Variants in ZNRF2 observed in about 807,000 individuals in gnomAD.
ZNRF2 encodes E3 ubiquitin-protein ligase ZNRF2.
ZNRF2 carries 16 observed loss-of-function variants against 20.4 expected under a neutral mutation model. The ratio of observed to expected loss-of-function variants is 0.79; its 90% CI spans 0.53 to 1.19. ZNRF2 has a LOEUF of 1.19. Among genes scored for constraint, ZNRF2 ranks in the 50% most tolerant of loss-of-function variants. The pLI, the probability that ZNRF2 is intolerant of heterozygous loss-of-function variation, is 0.00. For synonymous variants in ZNRF2, 178 were observed against 144.9 expected (o/e 1.23, Z -1.64); for missense variants, 363 against 332.4 (o/e 1.09, Z -0.72).
At chr7:30,361,383 A>G (rs1443028402) in intron 3 of ZNRF2, among the ~76,000 whole-genome samples, 4 of 152,182 alleles carry the variant, frequency 2.6e-5, no homozygotes, top group African/African-American at 9.7e-5. Context: ...ACTTTTACCT[A>G]CCAAACCAAC....
chr7:30,300,026 T>TGCCC (rs946209181), intron 1 of ZNRF2, among the ~76,000 whole-genome samples: 18 of 151,768 alleles, frequency 1.2e-4, no homozygotes, highest in African/African-American at 3.9e-4. Flanking sequence ...CCTCGTGATG[T>TGCCC]GCCCGCCTTG....
At position 30,323,723 on chromosome 7, in the gene ZNRF2, G is replaced by C; in HGVS notation, c.551G>C (p.Arg184Pro). 6.3e-7 allele frequency: 1 copy of C among 1,588,772 alleles called. No individual in the cohort carries two copies. Among genetic ancestry groups the C allele is most frequent in the South Asian group, 1.2e-5 (1 of 86,660 alleles). ...LHLVMCLTKP[R>P]ITYNEDVLSK... ...CTTGTAATGTGTTTAACAAAGCCAC[G>C]AATAACCTATAATGGTAAGTCCAAT... Residue 184 changes from arginine to proline, a missense_variant, in exon 2 of 5, where the codon CGA (arginine) becomes CCA (proline). This residue lies in a region of ZNRF2 where 61 missense variants were observed against 100.9 expected (regional missense o/e 0.60). Transcript: ENST00000323037.
chr7:30,311,337 A>G (rs1272440054), intron 1 of ZNRF2, among the ~76,000 whole-genome samples: 1 of 152,230 alleles, frequency 6.6e-6, no homozygotes, highest in East Asian at 1.9e-4. Context: ...TCATTCCTAA[A>G]GAGTCATAAA....
intron 1 of ZNRF2, among the ~76,000 whole-genome samples, chr7:30,307,316 G>GTTTTTTTTTTTTTTTTTTTTTTTTTTTTT (rs372358892): frequency 1.5e-5 from 1 of 68,084 alleles, no homozygotes; most frequent in Non-Finnish European, 3.2e-5. Flanking sequence ...TCTTTCTGCT[G>GTTTTTTTTTTTTTTTTTTTTTTTTTTTTT]TTTTTTTTTG....
At chr7:30,287,672 T>C (rs1183064309) in intron 1 of ZNRF2, among the ~76,000 whole-genome samples, 1 of 151,886 alleles carries the variant, frequency 6.6e-6, no homozygotes, top group Non-Finnish European at 1.5e-5. Flanking sequence ...TATAGTTCTT[T>C]TAGTGCTGTT....
At chr7:30,344,709 A>G (rs1799849854) in intron 2 of ZNRF2, among the ~76,000 whole-genome samples, 1 of 152,152 alleles carries the variant, frequency 6.6e-6, no homozygotes, top group South Asian at 2.1e-4. Context: ...TAGTTTTTTC[A>G]GATGTCTCTT....
intron 1 of ZNRF2, among the ~76,000 whole-genome samples, chr7:30,306,712 T>A (rs1799212194): frequency 1.3e-5 from 2 of 152,178 alleles, no homozygotes; most frequent in South Asian, 4.1e-4. Flanking sequence ...TTTAGTAGTT[T>A]AAGTTGCACA....
At chr7:30,286,793 C>A (rs538574154) in intron 1 of ZNRF2, among the ~76,000 whole-genome samples, 1 of 152,288 alleles carries the variant, frequency 6.6e-6, no homozygotes, top group African/African-American at 2.4e-5. Flanking sequence ...CCCATTTCAT[C>A]GCATTATGTA....
intron 1 of ZNRF2, among the ~76,000 whole-genome samples, chr7:30,312,228 T>G (rs1460431231): frequency 6.6e-6 from 1 of 152,126 alleles, no homozygotes; most frequent in African/African-American, 2.4e-5. Flanking sequence ...CAGTCCTCCC[T>G]CCTTGGTCTC....
At position 30,285,390 on chromosome 7, in the gene ZNRF2, TA is replaced by T; in HGVS notation, c.35del (p.Asn12ThrfsTer131). 1 of 1,248,690 alleles carries T rather than the reference TA, an allele frequency of 8.0e-7. No individual in the cohort carries two copies. Among genetic ancestry groups the T allele is most frequent in the Non-Finnish European group, 1.0e-6 (1 of 979,686 alleles). The allele number at this position is 1,248,690 out of a possible 1,614,324, so 77.4% of individuals were successfully genotyped here. The stretch of plus-strand genomic sequence containing the variant: ...CCAAACAGAGCGGCCCGGCCGCCGC[TA>T]ACGGCCGCACGCGCGCGTACTCGGG... ...GAKQSGPAAANGRTRAYSGSD... is the reference protein window; with the variant it reads ...GAKQSGPAAAXGRTRAYSGSD... On this transcript the variant is annotated frameshift_variant, in exon 1 of 5. Transcript: ENST00000323037. LOFTEE classifies it high-confidence loss of function.
chr7:30,363,650 GA>G (rs577764510), intron 4 of ZNRF2, among the ~76,000 whole-genome samples: 3 of 149,434 alleles, frequency 2.0e-5, no homozygotes, highest in African/African-American at 4.9e-5. Context: ...TTTTACGACT[GA>G]AAAAAAAACT....
intron 4 of ZNRF2, among the ~76,000 whole-genome samples, chr7:30,364,525 G>C (rs1219027233): frequency 6.6e-6 from 1 of 152,120 alleles, no homozygotes. Flanking sequence ...AAGAATGCTA[G>C]GTAAGAGAAG....
chr7:30,364,862 C>T (rs1562624465), intron 4 of ZNRF2, among the ~76,000 whole-genome samples: 1 of 152,128 alleles, frequency 6.6e-6, no homozygotes. Flanking sequence ...TTAGTGCTCA[C>T]AGTTCTGGAA....
At position 30,366,427 on chromosome 7, in the gene ZNRF2, C is replaced by G. The variant is rs116662794; in HGVS notation, c.*415C>G. The G allele has an allele frequency of 0.028, 4,314 of 152,574 alleles. 160 individuals are homozygous for G. Among genetic ancestry groups the G allele is most frequent in the African/African-American group, 0.086 (3,583 of 41,510 alleles). 9.5% of individuals were successfully genotyped at this position (152,574 alleles called of 1,614,324 possible). A position where few individuals can be genotyped will look rare whatever the true frequency, so the allele number is the denominator to read the frequency against. On this transcript the variant is annotated 3_prime_UTR_variant, in exon 5 of 5. Coordinates refer to ENST00000323037, the MANE Select transcript of ZNRF2 (RefSeq NM_147128.4). ...TTTGTTTTGTTTTTTAATTTGGGGT[C>G]TCTTTGTTTTCCCCAACATAATGTT... is the stretch of plus-strand genomic sequence containing the variant.
intron 3 of ZNRF2, among the ~76,000 whole-genome samples, chr7:30,356,852 C>G (rs1800047801): frequency 6.6e-6 from 1 of 151,828 alleles, no homozygotes; most frequent in African/African-American, 2.4e-5. Context: ...ACTACAGGCG[C>G]CTGCCACCAT....
chr7:30,341,460 G>T (rs1799794873), intron 2 of ZNRF2, among the ~76,000 whole-genome samples: 1 of 152,080 alleles, frequency 6.6e-6, no homozygotes, highest in African/African-American at 2.4e-5. Context: ...TTATTTCAAA[G>T]AACTTATTTA....
At chr7:30,357,525 TCTTA>T (rs1190350461) in intron 3 of ZNRF2, among the ~76,000 whole-genome samples, 1 of 152,106 alleles carries the variant, frequency 6.6e-6, no homozygotes, top group Non-Finnish European at 1.5e-5. Context: ...AAGCCAAGTT[TCTTA>T]CTTAAGAAAT....
chr7:30,360,795 T>C (rs1265242712), intron 3 of ZNRF2, among the ~76,000 whole-genome samples: 1 of 152,238 alleles, frequency 6.6e-6, no homozygotes, highest in Non-Finnish European at 1.5e-5. Context: ...AATGCTGTTT[T>C]ATGGTAGCAT....
chr7:30,361,430 C>A (rs1800124922), intron 3 of ZNRF2, among the ~76,000 whole-genome samples: 1 of 152,100 alleles, frequency 6.6e-6, no homozygotes, highest in Non-Finnish European at 1.5e-5. Flanking sequence ...TTAATTTTGC[C>A]CTTCAGTATA....
Sources: gnomAD v4.1 joint callset for allele counts (sites outside exome capture counted in the v4.1 genomes callset) on GRCh38, gnomAD v4.1.1 for gene constraint, gnomAD v4.1.1 regional missense constraint, MANE v1.5 for transcripts, NCBI Gene and HGNC (gene_info 2026-07-23, HGNC 2026-07-21) for gene names.